MARCHF1: variants seen among roughly 807,000 people sequenced by gnomAD.
MARCHF1 encodes the protein E3 ubiquitin-protein ligase MARCHF1.
Under a neutral mutation model 54.2 loss-of-function variants are expected in MARCHF1, and 40 were observed. That is an observed-to-expected ratio of 0.74 (90% CI 0.57 to 0.96). The LOEUF is 0.96. Among genes scored for constraint, MARCHF1 ranks in the 40% least tolerant of loss-of-function variants. The probability of loss-of-function intolerance (pLI) is 0.00; values close to 1 mark genes in which losing one functional copy is unlikely to be tolerated. For synonymous variants in MARCHF1, 236 were observed against 236.3 expected (o/e 1.00, Z 0.01); for missense variants, 586 against 656.5 (o/e 0.89, Z 1.17).
In MARCHF1 at chr4:164,296,397, G is replaced by A. The variant is rs562007320; in HGVS notation, c.-323+87473C>T. Among the ~76,000 whole-genome samples, 8 of 152,208 alleles carry A rather than the reference G, an allele frequency of 5.3e-5. No homozygotes were observed. In the South Asian group the frequency reaches 8.3e-4, roughly 16 times the overall value. ...TAATTAATTAATTTTTCTGGAGAGC[G>A]AGTCTCGCTCTGTCACCCAGGCTGG... On this transcript the variant is annotated intron_variant, in intron 1 of 9. Transcript: ENST00000514618.
intron 1 of MARCHF1, among the ~76,000 whole-genome samples, chr4:164,280,407 A>G (rs1038708621): frequency 6.6e-6 from 1 of 152,080 alleles, no homozygotes; most frequent in African/African-American, 2.4e-5. Context: ...CAATAGACCT[A>G]GTTAAATAAA....
At position 163,741,549 on chromosome 4, in the gene MARCHF1, T is replaced by C. The variant is rs142471377; in HGVS notation, c.112-40686A>G. 3.0e-3 allele frequency among the ~76,000 whole-genome samples: 451 copies of C among 151,876 alleles called. 3 individuals are homozygous for C. The highest frequency in any genetic ancestry group is 0.011 in the African/African-American group (442 of 41,378). ...AGTGAGCAGAGATTGTGCCACTGCA[T>C]TGTAGCCTGGGTGACAGAGTGAGAC... On this transcript the variant is annotated intron_variant, in intron 4 of 9. Transcript: ENST00000514618.
At chr4:164,080,204 C>A (rs1048378022) in intron 2 of MARCHF1, among the ~76,000 whole-genome samples, 1 of 152,170 alleles carries the variant, frequency 6.6e-6, no homozygotes, top group African/African-American at 2.4e-5. Flanking sequence ...AGATTCCCAG[C>A]CTTTCAAGAT....
At chr4:164,325,610 C>A (rs1458044548) in intron 1 of MARCHF1, among the ~76,000 whole-genome samples, 1 of 151,598 alleles carries the variant, frequency 6.6e-6, no homozygotes, top group Non-Finnish European at 1.5e-5. Context: ...ACAAATAAGA[C>A]CTTAGTGATT....
Position 163,612,404 on chromosome 4 carries a change from C to G in MARCHF1, c.877G>C (p.Asp293His). ...ACTCCCAGTATTTCAGTGCTGGAAT[C>G]TGTTTCTGAAAATGTCTTCTTCATT... The part of the protein sequence containing the change: ...EIMKKTFSET[D>H]SSTEILGVPE... Residue 293 changes from aspartate (D) to histidine (H), a missense_variant, in exon 7 of 10, where the codon GAT (aspartate) becomes CAT (histidine). Around this residue, in one of 3 missense-constraint regions of MARCHF1, gnomAD observed 387 missense variants for 394.6 expected, o/e 0.98. Coordinates refer to ENST00000514618, the MANE Select transcript of MARCHF1 (RefSeq NM_001394959.1). The G allele has an allele frequency of 6.5e-7, 1 of 1,535,452 alleles. No individual in the cohort carries two copies. Among genetic ancestry groups the G allele is most frequent in the South Asian group, 1.2e-5 (1 of 84,036 alleles).
intron 4 of MARCHF1, among the ~76,000 whole-genome samples, chr4:163,777,672 T>C (rs1310784653): frequency 6.6e-6 from 1 of 152,158 alleles, no homozygotes; most frequent in African/African-American, 2.4e-5. Context: ...TATAAAGATA[T>C]CAGGCACAAG....
chr4:163,986,357 C>T (rs1239234117), intron 3 of MARCHF1, among the ~76,000 whole-genome samples: 1 of 147,338 alleles, frequency 6.8e-6, no homozygotes, highest in Non-Finnish European at 1.5e-5. Flanking sequence ...CTCCGCCTCC[C>T]GGGTTCACGC....
At chr4:163,635,360 TA>T (rs1043403833) in intron 5 of MARCHF1, among the ~76,000 whole-genome samples, 2 of 150,332 alleles carry the variant, frequency 1.3e-5, no homozygotes, top group Admixed American at 6.6e-5. Flanking sequence ...GCAAGACTAA[TA>T]AAAAAAGATA....
chr4:164,155,080 T>C (rs1356293298), intron 1 of MARCHF1, among the ~76,000 whole-genome samples: 1 of 152,122 alleles, frequency 6.6e-6, no homozygotes, highest in Non-Finnish European at 1.5e-5. Flanking sequence ...TGTCTGTTCG[T>C]CTCCTCATCT....
At chr4:163,896,544 TCCCTCTAC>T (rs1750810430) in intron 3 of MARCHF1, among the ~76,000 whole-genome samples, 1 of 152,180 alleles carries the variant, frequency 6.6e-6, no homozygotes, top group South Asian at 2.1e-4. Flanking sequence ...TCTCCAATTG[TCCCTCTAC>T]GACACTTCTT....
chr4:163,952,281 T>A (rs976526387), intron 3 of MARCHF1, among the ~76,000 whole-genome samples: 1 of 152,196 alleles, frequency 6.6e-6, no homozygotes, highest in Non-Finnish European at 1.5e-5. Context: ...CGATACACAC[T>A]GTAGAAAATG....
intron 5 of MARCHF1, among the ~76,000 whole-genome samples, chr4:163,626,822 G>A (rs997172573): frequency 6.6e-6 from 1 of 152,112 alleles, no homozygotes; most frequent in African/African-American, 2.4e-5. Context: ...AGCTACTCGG[G>A]AGGCTGAGGC....
intron 2 of MARCHF1, among the ~76,000 whole-genome samples, chr4:164,045,965 G>T (rs912883981): frequency 2.6e-5 from 4 of 152,152 alleles, no homozygotes; most frequent in Non-Finnish European, 5.9e-5. Flanking sequence ...ATGGATGCTG[G>T]CAGAAGACAC....
intron 1 of MARCHF1, among the ~76,000 whole-genome samples, chr4:164,376,614 T>C (rs1296550900): frequency 6.6e-6 from 1 of 152,146 alleles, no homozygotes; most frequent in African/African-American, 2.4e-5. Flanking sequence ...TTGGACCTTA[T>C]GAGGAGCTGC....
chr4:164,153,573 G>C (rs1031057475), intron 1 of MARCHF1, among the ~76,000 whole-genome samples: 7 of 152,136 alleles, frequency 4.6e-5, no homozygotes, highest in African/African-American at 1.7e-4. Context: ...GGCCAACTTT[G>C]ATTAAAAATG....
At chr4:163,669,810 G>T (rs1411831289) in intron 5 of MARCHF1, among the ~76,000 whole-genome samples, 2 of 151,934 alleles carry the variant, frequency 1.3e-5, no homozygotes, top group Non-Finnish European at 2.9e-5. Context: ...TGTTAGCCAG[G>T]GTGATCTTGA....
At chr4:164,027,227 C>T (rs1560868316) in intron 2 of MARCHF1, among the ~76,000 whole-genome samples, 1 of 151,166 alleles carries the variant, frequency 6.6e-6, no homozygotes, top group African/African-American at 2.4e-5. Context: ...CAGCATTATA[C>T]AAAAGTATTT....
intron 1 of MARCHF1, among the ~76,000 whole-genome samples, chr4:164,356,114 C>G: frequency 7.7e-6 from 1 of 129,938 alleles, no homozygotes; most frequent in South Asian, 2.5e-4. Context: ...AGTCAGGAAA[C>G]AACAGGTGCT....
intron 4 of MARCHF1, among the ~76,000 whole-genome samples, chr4:163,830,080 T>C (rs530708357): frequency 6.6e-6 from 1 of 152,274 alleles, no homozygotes; most frequent in Non-Finnish European, 1.5e-5. Flanking sequence ...TCCAAAAGCT[T>C]AACTCAAATG....
Sources: gnomAD v4.1 joint callset for allele counts (sites outside exome capture counted in the v4.1 genomes callset) on GRCh38, gnomAD v4.1.1 for gene constraint, gnomAD v4.1.1 regional missense constraint, MANE v1.5 for transcripts, NCBI Gene and HGNC (gene_info 2026-07-23, HGNC 2026-07-21) for gene names.